PTPRG: variants seen among roughly 807,000 people sequenced by gnomAD.
PTPRG encodes protein tyrosine phosphatase receptor type G, also known as receptor-type tyrosine-protein phosphatase gamma.
Under a neutral mutation model 165.3 loss-of-function variants are expected in PTPRG, and 102 were observed. The observed-to-expected ratio is 0.62, with a 90% confidence interval of 0.53 to 0.73. The LOEUF (loss-of-function observed/expected upper bound fraction) is 0.73. PTPRG is among the 30% of genes least tolerant of loss of function. PTPRG has a pLI of 0.00. For missense variants in PTPRG, 1,866 were observed against 1,861.4 expected, an observed-to-expected ratio of 1.00 and a Z score of -0.05; for synonymous variants, 675 against 669.5, an observed-to-expected ratio of 1.01 and a Z score of -0.13.
chr3:61,917,834 C>T (rs890707996), intron 2 of PTPRG, among the ~76,000 whole-genome samples: 5 of 151,940 alleles, frequency 3.3e-5, no homozygotes, highest in Admixed American at 2.6e-4. Context: ...CAGGAGGCTG[C>T]GGCAGAAGAA....
At chr3:62,172,394 T>C (rs1705250088) in intron 8 of PTPRG, among the ~76,000 whole-genome samples, 1 of 152,220 alleles carries the variant, frequency 6.6e-6, no homozygotes, top group Non-Finnish European at 1.5e-5. Context: ...AATTTCTCCA[T>C]ATCCTCACCA....
At chr3:61,757,688 A>G (rs911971461) in intron 2 of PTPRG, among the ~76,000 whole-genome samples, 3 of 152,250 alleles carry the variant, frequency 2.0e-5, no homozygotes, top group Non-Finnish European at 2.9e-5. Flanking sequence ...ATAAATCCTA[A>G]TATTCATTAA....
chr3:62,035,358 A>G (rs1334169533), intron 4 of PTPRG, among the ~76,000 whole-genome samples: 1 of 152,130 alleles, frequency 6.6e-6, no homozygotes, highest in African/African-American at 2.4e-5. Context: ...TTGCCCTGAA[A>G]AATGAATGGG....
chr3:62,141,343 TGGCTGTGAGCAACTTTGGAGCCGA>T (rs144829083), intron 6 of PTPRG, among the ~76,000 whole-genome samples: 7,438 of 152,248 alleles, frequency 0.049, 242 homozygotes, highest in Non-Finnish European at 0.064. Context: ...CGGTGGCTCA[TGGCTGTGAGCAACTTTGGAGCCGA>T]GGCAGGTAGA....
intron 4 of PTPRG, among the ~76,000 whole-genome samples, chr3:62,005,876 T>G (rs2041286411): frequency 6.6e-6 from 1 of 151,878 alleles, no homozygotes; most frequent in Non-Finnish European, 1.5e-5. Context: ...CTAATTTTTG[T>G]ATTTTTAGTA....
intron 5 of PTPRG, among the ~76,000 whole-genome samples, chr3:62,100,525 T>TGAAG (rs1301362594): frequency 1.3e-5 from 2 of 152,064 alleles, no homozygotes; most frequent in Non-Finnish European, 2.9e-5. Context: ...TTGGCATCCC[T>TGAAG]TCAGTTAGAG....
At chr3:62,027,997 T>A (rs886906564) in intron 4 of PTPRG, among the ~76,000 whole-genome samples, 5 of 152,176 alleles carry the variant, frequency 3.3e-5, no homozygotes, top group Non-Finnish European at 7.3e-5. Flanking sequence ...TTTTTAGATG[T>A]GTTATGTGTG....
chr3:62,188,742 G>C (rs1241643231), intron 8 of PTPRG, among the ~76,000 whole-genome samples: 1 of 152,148 alleles, frequency 6.6e-6, no homozygotes, highest in African/African-American at 2.4e-5. Context: ...CCCATACAGT[G>C]TTCATTGCTA....
Position 62,168,066 on chromosome 3 carries a change from G to C in PTPRG, c.936G>C (p.Leu312=). 6.2e-7 allele frequency: 1 copy of C among 1,614,030 alleles called. No homozygotes were observed. Among genetic ancestry groups the C allele is most frequent in the Non-Finnish European group, 8.5e-7 (1 of 1,179,968 alleles). Residue 312 remains leucine, a synonymous_variant, in exon 8 of 30, where the codon CTG becomes CTC. Transcript: ENST00000474889. ...LRNNFRPQQR[L]HDRVVSKSAV... ...ATAACTTTCGACCACAGCAGCGTCT[G>C]CATGACAGGGTGGTGTCCAAGTCCG... is the stretch of plus-strand genomic sequence containing the variant.
intron 1 of PTPRG, among the ~76,000 whole-genome samples, chr3:61,699,472 A>G (rs1479648100): frequency 3.9e-5 from 6 of 152,226 alleles, no homozygotes; most frequent in African/African-American, 9.6e-5. Context: ...TTGAGAATCT[A>G]TGTCCTACAG....
chr3:61,958,703 T>TAG (rs1362988632), intron 2 of PTPRG, among the ~76,000 whole-genome samples: 1 of 152,222 alleles, frequency 6.6e-6, no homozygotes, highest in African/African-American at 2.4e-5. Flanking sequence ...CATTGAATCT[T>TAG]ATCTATCTTT....
chr3:61,684,113 G>A (rs997519366), intron 1 of PTPRG, among the ~76,000 whole-genome samples: 2 of 152,188 alleles, frequency 1.3e-5, no homozygotes, highest in South Asian at 2.1e-4. Flanking sequence ...CCTTTGTCTC[G>A]TATAGGCTAT....
intron 2 of PTPRG, among the ~76,000 whole-genome samples, chr3:61,794,720 A>G (rs536412424): frequency 7.2e-5 from 11 of 152,314 alleles, no homozygotes; most frequent in African/African-American, 2.6e-4. Context: ...GAGTAAATTC[A>G]TCAGGTTATA....
chr3:61,694,474 A>G (rs1433716774), intron 1 of PTPRG, among the ~76,000 whole-genome samples: 1 of 152,196 alleles, frequency 6.6e-6, no homozygotes, highest in East Asian at 1.9e-4. Flanking sequence ...TGTCAGTACG[A>G]ACATGCATCT....
chr3:62,066,785 A>G (rs1701027166), intron 4 of PTPRG, among the ~76,000 whole-genome samples: 1 of 152,178 alleles, frequency 6.6e-6, no homozygotes, highest in South Asian at 2.1e-4. Context: ...CATGCCTGTA[A>G]TCCCAGCACT....
At chr3:61,631,843 A>C (rs1701781841) in intron 1 of PTPRG, among the ~76,000 whole-genome samples, 1 of 152,186 alleles carries the variant, frequency 6.6e-6, no homozygotes. Flanking sequence ...GATATAAACA[A>C]GATGTGGAAC....
At chr3:62,247,263 C>G (rs1175301671) in intron 15 of PTPRG, among the ~76,000 whole-genome samples, 1 of 152,062 alleles carries the variant, frequency 6.6e-6, no homozygotes, top group Non-Finnish European at 1.5e-5. Flanking sequence ...CTGGAATTAT[C>G]TCTGTGACTT....
intron 2 of PTPRG, among the ~76,000 whole-genome samples, chr3:61,941,720 A>C (rs2039634380): frequency 6.6e-6 from 1 of 152,116 alleles, no homozygotes; most frequent in Admixed American, 6.5e-5. Context: ...TCTCCCTCCA[A>C]CTTCCCCTTT....
intron 5 of PTPRG, among the ~76,000 whole-genome samples, chr3:62,115,190 C>G (rs1559524200): frequency 6.6e-6 from 1 of 152,136 alleles, no homozygotes; most frequent in East Asian, 1.9e-4. Flanking sequence ...ACCAACCAGA[C>G]AGAGTTTTAA....
Sources: gnomAD v4.1 joint callset for allele counts (sites outside exome capture counted in the v4.1 genomes callset) on GRCh38, gnomAD v4.1.1 for gene constraint, MANE v1.5 for transcripts, NCBI Gene and HGNC (gene_info 2026-07-23, HGNC 2026-07-21) for gene names.